SMAD2: variants seen among roughly 807,000 people sequenced by gnomAD.
SMAD2 encodes SMAD family member 2.
A neutral mutation model predicts 64.4 loss-of-function variants in SMAD2; 8 were observed. That is an observed-to-expected ratio of 0.12 (90% CI 0.07 to 0.22). The LOEUF is 0.22. Ranked by LOEUF, SMAD2 falls within the 10% of genes least tolerant of loss-of-function variation. The pLI is 1.00. For synonymous variants in SMAD2, 203 were observed against 195.8 expected (o/e 1.04, Z -0.31); for missense variants, 289 against 561.2 (o/e 0.51, Z 4.90).
At position 47,837,561 on chromosome 18, in the gene SMAD2, CAAAAA is replaced by C. The variant is rs59129117; in HGVS notation, c.*4261_*4265del. 9.7e-5 allele frequency: 15 copies of C among 155,164 alleles called. No individual in the cohort carries two copies. Among genetic ancestry groups the C allele is most frequent in the South Asian group, 3.2e-4 (1 of 3,128 alleles). 9.6% of individuals were successfully genotyped at this position (155,164 alleles called of 1,614,324 possible). ...TGGGCAACAGAGCGAGACTCCCTCT[CAAAAA>C]AAAAAAAAAAAAACAAAAAACAAGG... is the stretch of plus-strand genomic sequence containing the variant. On this transcript the variant is annotated 3_prime_UTR_variant, in exon 11 of 11. Coordinates refer to ENST00000262160, the MANE Select transcript of SMAD2 (RefSeq NM_005901.6).
chr18:47,929,438 A>G (rs2034907077), intron 1 of SMAD2, among the ~76,000 whole-genome samples: 1 of 152,364 alleles, frequency 6.6e-6, no homozygotes, highest in African/African-American at 2.4e-5. Flanking sequence ...AAAAAGATGT[A>G]ATTATTCCAA....
chr18:47,828,347 G>A lies in SMAD2; in HGVS notation c.*13480C>T, dbSNP rs919613030. On this transcript the variant is annotated 3_prime_UTR_variant, in exon 11 of 11. Transcript: ENST00000262160. ...CCCCCGGCCAGCATCCACCCCGTCC[G>A]GGAGGTGGGGGGGCGCCTCTGCCCA... 4.6e-5 allele frequency: 7 copies of A among 152,612 alleles called. No homozygotes were observed. The highest frequency in any genetic ancestry group is 2.1e-4 in the South Asian group (1 of 4,846). The allele number at this position is 152,612 out of a possible 1,614,324, so 9.5% of individuals were successfully genotyped here.
chr18:47,889,625 G>C (rs915223793), intron 2 of SMAD2, among the ~76,000 whole-genome samples: 5 of 152,026 alleles, frequency 3.3e-5, no homozygotes, highest in Admixed American at 2.6e-4. Flanking sequence ...CAAAAAATTA[G>C]CCAGGCATGG....
intron 1 of SMAD2, among the ~76,000 whole-genome samples, chr18:47,899,436 T>G (rs1206951260): frequency 6.6e-6 from 1 of 151,994 alleles, no homozygotes; most frequent in East Asian, 1.9e-4. Context: ...AAAGGAGTTA[T>G]CAAATGTGGA....
At chr18:47,851,406 G>C (rs1483469996) in intron 6 of SMAD2, 79 bp from the exon 7 acceptor site, 10 of 806,746 alleles carry the variant, frequency 1.2e-5, no homozygotes, top group Non-Finnish European at 1.5e-5. Flanking sequence ...GCTTTATCTG[G>C]TTATAATTAT....
intron 2 of SMAD2, among the ~76,000 whole-genome samples, chr18:47,874,080 G>C (rs865935757): frequency 6.6e-6 from 1 of 152,180 alleles, no homozygotes; most frequent in Non-Finnish European, 1.5e-5. Context: ...ATTCACAGAT[G>C]AGTCAATATT....
Position 47,833,257 on chromosome 18 carries a change from C to T in SMAD2, c.*8570G>A, listed in dbSNP as rs868738673. On this transcript the variant is annotated 3_prime_UTR_variant, in exon 11 of 11. Coordinates refer to ENST00000262160, the MANE Select transcript of SMAD2 (RefSeq NM_005901.6). ...ATATATAAAAATTGACCAGAAATCA[C>T]AGGACATGTAAGCAATGTTTTCTTA... 1 of 214,296 alleles carries T rather than the reference C, an allele frequency of 4.7e-6. No homozygotes were observed. Among genetic ancestry groups the T allele is most frequent in the Non-Finnish European group, 9.5e-6 (1 of 105,790 alleles). The allele number at this position is 214,296 out of a possible 1,614,324, so 13.3% of individuals were successfully genotyped here.
rs755212919 is a variant in SMAD2 at position 47,810,229 on chromosome 18, G to A, written c.*31598C>T. 2.0e-5 allele frequency: 3 copies of A among 152,352 alleles called. No individual in the cohort carries two copies. The highest frequency in any genetic ancestry group is 2.1e-4 in the South Asian group (1 of 4,808). 9.4% of individuals were successfully genotyped at this position (152,352 alleles called of 1,614,324 possible). Reference sequence around the variant, plus strand: ...CAAGTGAATTCCAAATTGCACACACGAGAAGAAAGTAAGAGGTCGCCAACC... The same window carrying A: ...CAAGTGAATTCCAAATTGCACACACAAGAAGAAAGTAAGAGGTCGCCAACC... On this transcript the variant is annotated 3_prime_UTR_variant, in exon 11 of 11. Transcript: ENST00000262160.
At chr18:47,926,920 T>G (rs1295737603) in intron 1 of SMAD2, among the ~76,000 whole-genome samples, 2 of 152,240 alleles carry the variant, frequency 1.3e-5, no homozygotes, top group African/African-American at 4.8e-5. Flanking sequence ...TTCCATTTTG[T>G]GTCAGAAAAC....
chr18:47,881,603 G>A (rs986299418), intron 2 of SMAD2, among the ~76,000 whole-genome samples: 27 of 152,026 alleles, frequency 1.8e-4, no homozygotes, highest in African/African-American at 4.1e-4. Flanking sequence ...GACTCATTGC[G>A]CTTGCTAGGT....
At chr18:47,856,123 C>T (rs1156249602) in intron 6 of SMAD2, among the ~76,000 whole-genome samples, 1 of 143,652 alleles carries the variant, frequency 7.0e-6, no homozygotes, top group Non-Finnish European at 1.5e-5. Flanking sequence ...AGACACATGG[C>T]ATAATCTCAT....
intron 1 of SMAD2, among the ~76,000 whole-genome samples, chr18:47,914,102 C>A (rs1371258200): frequency 2.6e-5 from 4 of 152,170 alleles, no homozygotes; most frequent in African/African-American, 4.8e-5. Context: ...ATTCTCTGCA[C>A]ATTTAATTAA....
At chr18:47,870,325 C>G in intron 3 of SMAD2, 150 bp downstream of exon 3, 1 of 622,740 alleles carries the variant, frequency 1.6e-6, no homozygotes, top group South Asian at 2.0e-5. Context: ...ATTTTTTATA[C>G]TGGCAAGCAG....
At position 47,834,240 on chromosome 18, in the gene SMAD2, C is replaced by T; in HGVS notation, c.*7587G>A. Reference sequence around the variant, plus strand: ...AGGTGGTCAGCTCCTTCTGGTGTGCCTGGGACTTGTTTTGAGTTTAGCAAA... The same window carrying T: ...AGGTGGTCAGCTCCTTCTGGTGTGCTTGGGACTTGTTTTGAGTTTAGCAAA... On this transcript the variant is annotated 3_prime_UTR_variant, in exon 11 of 11. Transcript: ENST00000262160. 1 of 211,218 alleles carries T rather than the reference C, an allele frequency of 4.7e-6. No individual in the cohort carries two copies. Among genetic ancestry groups the T allele is most frequent in the East Asian group, 7.1e-5 (1 of 14,174 alleles). 13.1% of individuals were successfully genotyped at this position (211,218 alleles called of 1,614,324 possible).
chr18:47,859,285 A>G (rs2030978742), intron 6 of SMAD2, among the ~76,000 whole-genome samples: 1 of 152,150 alleles, frequency 6.6e-6, no homozygotes, highest in Non-Finnish European at 1.5e-5. Context: ...AAATAAGGAG[A>G]TTTTAAAAAA....
rs1913871012 is a variant in SMAD2, at chr18:47,840,823, T to C, written c.*1004A>G. ...TAGCTTTTTTAAAAAGGGATAAATA[T>C]GTGGAAGTAATTCTAGCATATCCCT... is the stretch of plus-strand genomic sequence containing the variant. On this transcript the variant is annotated 3_prime_UTR_variant, in exon 11 of 11. Transcript: ENST00000262160. The C allele has an allele frequency of 4.3e-6, 1 of 231,866 alleles. No individual in the cohort carries two copies. The highest frequency in any genetic ancestry group is 8.5e-6 in the Non-Finnish European group (1 of 117,202). 14.4% of individuals were successfully genotyped at this position (231,866 alleles called of 1,614,324 possible). A position where few individuals can be genotyped will look rare whatever the true frequency, so the allele number is the denominator to read the frequency against.
At chr18:47,863,405 T>A (rs1385555338) in intron 6 of SMAD2, among the ~76,000 whole-genome samples, 3 of 152,226 alleles carry the variant, frequency 2.0e-5, no homozygotes, top group Non-Finnish European at 2.9e-5. Context: ...AACACTGCAA[T>A]TATTTTAGCT....
In SMAD2 at chr18:47,835,774, TAAATC is replaced by T; in HGVS notation, c.*6048_*6052del. 5.3e-6 allele frequency: 1 copy of T among 189,320 alleles called. No individual in the cohort carries two copies. Among genetic ancestry groups the T allele is most frequent in the East Asian group, 8.5e-5 (1 of 11,802 alleles). The allele number at this position is 189,320 out of a possible 1,614,324, so 11.7% of individuals were successfully genotyped here. ...AATTCTAAAACTTCACTTTTGTCCTTAAATCAATATATTACGGATTTCATTGTTCA... is the reference window on the plus strand; with the variant it reads ...AATTCTAAAACTTCACTTTTGTCCTTAATATATTACGGATTTCATTGTTCA... On this transcript the variant is annotated 3_prime_UTR_variant, in exon 11 of 11. Transcript: ENST00000262160.
At chr18:47,855,239 GTTTAT>G (rs1354920089) in intron 6 of SMAD2, among the ~76,000 whole-genome samples, 1 of 152,194 alleles carries the variant, frequency 6.6e-6, no homozygotes, top group Admixed American at 6.6e-5. Flanking sequence ...GGATATATCA[GTTTAT>G]TTATCTAGTC....
Sources: allele counts gnomAD v4.1 joint callset (sites outside exome capture counted in the v4.1 genomes callset), GRCh38; gene constraint gnomAD v4.1.1; transcripts MANE v1.5; gene names NCBI Gene and HGNC (gene_info 2026-07-23, HGNC 2026-07-21).